Variants in GRB10 observed in about 807,000 individuals in gnomAD.
GRB10 encodes growth factor receptor bound protein 10.
A neutral mutation model predicts 80.9 loss-of-function variants in GRB10; 20 were observed. That is an observed-to-expected ratio of 0.25 (90% CI 0.17 to 0.36). The LOEUF (loss-of-function observed/expected upper bound fraction) is 0.36. Ranked by LOEUF, GRB10 falls within the 10% of genes least tolerant of loss-of-function variation. The pLI is 1.00. For missense variants in GRB10, 548 were observed against 747.7 expected (o/e 0.73, Z 3.12); for synonymous variants, 291 against 291.5 (o/e 1.00, Z 0.02).
intron 3 of GRB10, among the ~76,000 whole-genome samples, chr7:50,739,424 A>C (rs1412012733): frequency 6.6e-6 from 1 of 152,216 alleles, no homozygotes; most frequent in African/African-American, 2.4e-5. Context: ...CCTTCTGAAA[A>C]GATAGTCAAA....
chr7:50,707,974 C>A (rs554765936), intron 4 of GRB10, among the ~76,000 whole-genome samples: 2 of 152,258 alleles, frequency 1.3e-5, no homozygotes, highest in South Asian at 4.2e-4. Context: ...TTTAAGGCAA[C>A]CTTGTCTAAA....
intron 7 of GRB10, among the ~76,000 whole-genome samples, chr7:50,651,414 T>C (rs1216196040): frequency 1.3e-5 from 2 of 152,208 alleles, no homozygotes; most frequent in Non-Finnish European, 2.9e-5. Context: ...ACCTTTATCT[T>C]TATGTGGCAT....
rs191695176 is a variant in GRB10, at chr7:50,744,789, T to C, written c.-47+11098A>G. Among the ~76,000 whole-genome samples, 364 of 152,288 alleles carry C rather than the reference T, an allele frequency of 2.4e-3. 1 individual carries two copies. Among genetic ancestry groups the C allele is most frequent in the African/African-American group, 8.5e-3 (355 of 41,558 alleles). On this transcript the variant is annotated intron_variant, in intron 3 of 18. Transcript: ENST00000401949. Reference sequence around the variant, plus strand: ...CATTTAAAGCGTATACTTGCAACATTTGAGCTCACAGCAACAGTGGAATTA... The same window carrying C: ...CATTTAAAGCGTATACTTGCAACATCTGAGCTCACAGCAACAGTGGAATTA...
chr7:50,665,160 G>A (rs1439317135), intron 7 of GRB10, among the ~76,000 whole-genome samples: 1 of 152,168 alleles, frequency 6.6e-6, no homozygotes, highest in Non-Finnish European at 1.5e-5. Flanking sequence ...CATACATCAC[G>A]GTTCCTCTAT....
At chr7:50,661,814 C>T (rs2237460) in intron 7 of GRB10, among the ~76,000 whole-genome samples, 43,737 of 152,106 alleles carry the variant, frequency 0.29, 7,074 homozygotes, top group Middle Eastern at 0.51. Flanking sequence ...CTTACCCACC[C>T]GTATATGGAA....
At chr7:50,689,815 G>A (rs1448118878) in intron 5 of GRB10, among the ~76,000 whole-genome samples, 4 of 151,774 alleles carry the variant, frequency 2.6e-5, no homozygotes, top group Non-Finnish European at 1.5e-5. Flanking sequence ...AATGACAGAG[G>A]GTTTTTTTTT....
At chr7:50,663,110 T>C (rs1251131517) in intron 7 of GRB10, among the ~76,000 whole-genome samples, 1 of 152,148 alleles carries the variant, frequency 6.6e-6, no homozygotes, top group Non-Finnish European at 1.5e-5. Flanking sequence ...CCAGGGTGCA[T>C]CCTCAGAGCT....
rs373108160 is a variant in GRB10, at chr7:50,755,335, C to T, written c.-47+552G>A. 9.2e-5 allele frequency among the ~76,000 whole-genome samples: 14 copies of T among 152,286 alleles called. No homozygotes were observed. The East Asian group carries it at 2.5e-3, about 27-fold the overall frequency. ...GAAAGGGCCACCTGAGGTTGACATGCCAAAGGAAGGCAGGGGTGCTAACAC... is the reference window on the plus strand; with the variant it reads ...GAAAGGGCCACCTGAGGTTGACATGTCAAAGGAAGGCAGGGGTGCTAACAC... On this transcript the variant is annotated intron_variant, in intron 3 of 18. Coordinates refer to ENST00000401949, the MANE Select transcript of GRB10 (RefSeq NM_001350814.2).
intron 4 of GRB10, among the ~76,000 whole-genome samples, chr7:50,720,123 C>A (rs1007769077): frequency 7.9e-5 from 12 of 152,140 alleles, no homozygotes; most frequent in African/African-American, 2.9e-4. Flanking sequence ...CTAACAAACA[C>A]ATCAACTAAG....
chr7:50,619,785 G>A (rs1258181835), intron 8 of GRB10, among the ~76,000 whole-genome samples: 1 of 152,196 alleles, frequency 6.6e-6, no homozygotes, highest in African/African-American at 2.4e-5. Flanking sequence ...AGGCCGTGAT[G>A]CACAGCAAGA....
At chr7:50,708,569 T>C (rs1039854310) in intron 4 of GRB10, among the ~76,000 whole-genome samples, 6 of 152,112 alleles carry the variant, frequency 3.9e-5, no homozygotes, top group Non-Finnish European at 8.8e-5. Context: ...TGTGTTAGCT[T>C]GGTTTCCTCT....
intron 1 of GRB10, among the ~76,000 whole-genome samples, chr7:50,792,106 G>A (rs2078942797): frequency 6.6e-6 from 1 of 152,124 alleles, no homozygotes; most frequent in Non-Finnish European, 1.5e-5. Flanking sequence ...CTGAAACTCG[G>A]GGGCTCCAAA....
At chr7:50,756,699 G>A (rs1440824655) in intron 2 of GRB10, among the ~76,000 whole-genome samples, 1 of 152,182 alleles carries the variant, frequency 6.6e-6, no homozygotes, top group Non-Finnish European at 1.5e-5. Context: ...GAAGAGGGTG[G>A]AGACCAATTG....
At chr7:50,705,358 AG>A in intron 4 of GRB10, 1 of 904,988 alleles carries the variant, frequency 1.1e-6, no homozygotes. Context: ...CAAAGCCCTA[AG>A]GAAGGGAGAC....
chr7:50,593,093 C>T lies in GRB10; in HGVS notation c.1644G>A (p.Glu548=). The T allele has an allele frequency of 6.2e-7, 1 of 1,614,136 alleles. No individual in the cohort carries two copies. The highest frequency in any genetic ancestry group is 8.5e-7 in the Non-Finnish European group (1 of 1,180,040). The change falls in exon 19 of 19, where the codon GAG becomes GAA. Residue 548 remains glutamate, a synonymous_variant. Transcript: ENST00000401949. ...KIKNFQILPC[E]DDGQTFFSLD... ...GGCTGAAGAACGTCTGCCCGTCGTC[C>T]TCGCACTGGAGAGACACAAGAACAC...
intron 7 of GRB10, among the ~76,000 whole-genome samples, chr7:50,647,666 C>A (rs1289802392): frequency 6.6e-6 from 1 of 152,198 alleles, no homozygotes; most frequent in Non-Finnish European, 1.5e-5. Flanking sequence ...TCCTCAAAGG[C>A]AGCAAAAGAT....
At chr7:50,676,436 T>G (rs2060963714) in intron 5 of GRB10, among the ~76,000 whole-genome samples, 1 of 152,082 alleles carries the variant, frequency 6.6e-6, no homozygotes, top group Admixed American at 6.5e-5. Flanking sequence ...TAGCCCTATT[T>G]CATCTATTTC....
At chr7:50,740,171 G>C (rs2153696089) in intron 3 of GRB10, among the ~76,000 whole-genome samples, 1 of 152,286 alleles carries the variant, frequency 6.6e-6, no homozygotes, top group East Asian at 1.9e-4. Flanking sequence ...CTCTCCCCCA[G>C]AACACTGGCC....
At chr7:50,717,311 C>T (rs984436999) in intron 4 of GRB10, among the ~76,000 whole-genome samples, 1 of 152,208 alleles carries the variant, frequency 6.6e-6, no homozygotes, top group Non-Finnish European at 1.5e-5. Flanking sequence ...GCACAATAGT[C>T]TGGTTACTGC....
Sources: allele counts gnomAD v4.1 joint callset (sites outside exome capture counted in the v4.1 genomes callset), GRCh38; gene constraint gnomAD v4.1.1; transcripts MANE v1.5; gene names NCBI Gene and HGNC (gene_info 2026-07-23, HGNC 2026-07-21).